Variants in DNAH17 observed in about 807,000 individuals in gnomAD.
The protein encoded by DNAH17 is axonemal beta dynein heavy chain 17.
In DNAH17, 376 loss-of-function variants were observed where a neutral mutation model predicts 485.6. That is an observed-to-expected ratio of 0.77 (90% CI 0.71 to 0.84). DNAH17 has a LOEUF of 0.84. Ranked by LOEUF, DNAH17 falls within the 40% of genes least tolerant of loss-of-function variation. DNAH17 has a pLI of 0.00. For synonymous variants in DNAH17, 3,031 were observed against 2,405.9 expected, an observed-to-expected ratio of 1.26 and a Z score of -7.60; for missense variants, 6,370 against 5,839.3, an observed-to-expected ratio of 1.09 and a Z score of -2.96.
rs1237674292 is a variant in DNAH17, at chr17:78,571,742, C to T, written c.580G>A (p.Glu194Lys). The change falls in exon 4 of 81, where the codon GAA (glutamate) becomes AAA (lysine). Residue 194 changes from glutamate to lysine, a missense_variant. Physicochemically the swap from Glu to Lys is moderately conservative, Grantham distance 56. Transcript: ENST00000389840. ...TGGGACCAGTCGATGATGGTGGTTT[C>T]AATGGCGTGCAGGAGCAAGTTGTCC... ...SLDNLLLHAI[E>K]TTIIDWSHQI... The T allele has an allele frequency of 6.2e-7, 1 of 1,608,656 alleles. No homozygotes were observed. Among genetic ancestry groups the T allele is most frequent in the Admixed American group, 1.7e-5 (1 of 59,596 alleles).
At chr17:78,558,552 T>C (rs2092081268) in intron 13 of DNAH17, among the ~76,000 whole-genome samples, 1 of 83,816 alleles carries the variant, frequency 1.2e-5, no homozygotes. Flanking sequence ...CATCATTGCA[T>C]GTGTATGACA....
intron 70 of DNAH17, among the ~76,000 whole-genome samples, 176 bp downstream of exon 70, chr17:78,445,382 G>C (rs527692928): frequency 6.6e-6 from 1 of 152,212 alleles, no homozygotes; most frequent in Non-Finnish European, 1.5e-5. Flanking sequence ...AGAGCTATCT[G>C]TGAGCTGGCA....
At chr17:78,492,510 C>T (rs1251232071) in intron 42 of DNAH17, 123 bp downstream of exon 42, 9 of 1,378,396 alleles carry the variant, frequency 6.5e-6, no homozygotes, top group African/African-American at 2.9e-5. Context: ...TTGCAGGCCA[C>T]GTGCCTGTGT....
intron 55 of DNAH17, 116 bp from the exon 56 acceptor site, chr17:78,466,932 CAG>C: frequency 1.7e-6 from 2 of 1,164,160 alleles, no homozygotes; most frequent in Non-Finnish European, 2.3e-6. Flanking sequence ...CTCAGCCGCC[CAG>C]GGCCTGGGCA....
intron 69 of DNAH17, among the ~76,000 whole-genome samples, chr17:78,447,123 G>A (rs542045961): frequency 6.6e-6 from 1 of 152,070 alleles, no homozygotes; most frequent in Non-Finnish European, 1.5e-5. Flanking sequence ...TGGAGATGGG[G>A]TCTTGCTATA....
chr17:78,479,519 C>G lies in DNAH17; in HGVS notation c.7866G>C (p.Gln2622His), dbSNP rs2089255078. ...LAFRSVSMAIQRISSQLVAAA... is the reference protein window; with the variant it reads ...LAFRSVSMAIHRISSQLVAAA... ...CGGCCACCAGCTGGCTGCTTATCCT[C>G]TGGATAGCCATGGAGACCGAGCGGA... The change falls in exon 50 of 81, where the codon CAG (glutamine) becomes CAC (histidine). Residue 2622 changes from glutamine to histidine, a missense_variant. Physicochemically the swap from Gln to His is conservative, Grantham distance 24. Coordinates refer to ENST00000389840, the MANE Select transcript of DNAH17 (RefSeq NM_173628.4). 1.2e-6 allele frequency: 2 copies of G among 1,613,218 alleles called. No homozygotes were observed. The highest frequency in any genetic ancestry group is 2.7e-5 in the African/African-American group (2 of 74,922).
Position 78,507,291 on chromosome 17 carries a change from C to A in DNAH17, c.4663G>T (p.Ala1555Ser). 6.2e-7 allele frequency: 1 copy of A among 1,614,016 alleles called. No homozygotes were observed. The highest frequency in any genetic ancestry group is 8.5e-7 in the Non-Finnish European group (1 of 1,179,888). Reference protein sequence around the residue: ...SKPGLYNKLEALKKSLAICEK... With the variant: ...SKPGLYNKLESLKKSLAICEK... ...TGTGAGCCGCACCTCTTCTTCAGGG[C>A]CTCCAGTTTATTGTAGAGGCCGGGT... Residue 1555 changes from alanine (A) to serine (S), a missense_variant, in exon 29 of 81, where the codon GCC becomes TCC. Transcript: ENST00000389840.
intron 51 of DNAH17, among the ~76,000 whole-genome samples, chr17:78,478,594 C>T (rs1303803868): frequency 6.7e-6 from 1 of 149,054 alleles, no homozygotes; most frequent in Non-Finnish European, 1.5e-5. Context: ...CCATCACTAC[C>T]ACTGTCACCA....
intron 51 of DNAH17, chr17:78,478,768 C>T: frequency 4.6e-6 from 2 of 435,896 alleles, no homozygotes; most frequent in Non-Finnish European, 8.2e-6. Flanking sequence ...CTATCATCAT[C>T]ACATCACCAT....
At chr17:78,569,330 A>G (rs781404432) in intron 8 of DNAH17, 45 bp downstream of exon 8, 2 of 1,607,526 alleles carry the variant, frequency 1.2e-6, no homozygotes, top group East Asian at 4.5e-5. Context: ...GCTCATATGA[A>G]CTCACTCGTC....
Position 78,434,239 on chromosome 17 carries a change from G to T in DNAH17, c.12034-19C>A, listed in dbSNP as rs371649198. ...GGGTGTCCTGTGGGGCACACGCTCC[G>T]GTCAGGTATTAGGGAGAGGGAGAAG... On this transcript the variant is annotated intron_variant, in intron 74 of 80. Coordinates refer to ENST00000389840, the MANE Select transcript of DNAH17 (RefSeq NM_173628.4). 105 of 1,592,668 alleles carry T rather than the reference G, an allele frequency of 6.6e-5. No individual in the cohort carries two copies. The highest frequency in any genetic ancestry group is 5.1e-5 in the Admixed American group (3 of 59,132).
rs754514234 is a variant in DNAH17 at position 78,492,732 on chromosome 17, G to C, written c.6442C>G (p.Leu2148Val). 12 of 1,612,576 alleles carry C rather than the reference G, an allele frequency of 7.4e-6. No individual in the cohort carries two copies. In the African/African-American group the frequency reaches 1.6e-4, roughly 22 times the overall value. ...LKSLNKTYQN[L>V]KRKPVAVDLD... is the part of the protein sequence containing the mutation. Reference sequence around the variant, plus strand: ...TCCACGGCGACCGGCTTCCTCTTCAGGTTCTGATAGGTCTTGTTGAGGGAT... The same window carrying C: ...TCCACGGCGACCGGCTTCCTCTTCACGTTCTGATAGGTCTTGTTGAGGGAT... Residue 2148 changes from leucine (L) to valine (V), a missense_variant, in exon 42 of 81, where the codon CTG (leucine) becomes GTG (valine). Coordinates refer to ENST00000389840, the MANE Select transcript of DNAH17 (RefSeq NM_173628.4).
At chr17:78,562,960 G>T (rs575079413) in intron 11 of DNAH17, among the ~76,000 whole-genome samples, 2 of 152,162 alleles carry the variant, frequency 1.3e-5, no homozygotes, top group Non-Finnish European at 2.9e-5. Flanking sequence ...CATAACCCAC[G>T]CCCAATGGGG....
chr17:78,527,112 G>T, intron 22 of DNAH17, 116 bp from the exon 23 acceptor site: 1 of 809,782 alleles, frequency 1.2e-6, no homozygotes, highest in Non-Finnish European at 1.9e-6. Context: ...GGCCGGCGCG[G>T]TGGCTCACAC....
At chr17:78,507,882 CAT>C (rs2090531276) in intron 27 of DNAH17, 77 bp from the exon 28 acceptor site, 15 of 1,339,996 alleles carry the variant, frequency 1.1e-5, no homozygotes, top group South Asian at 1.5e-5. Context: ...GTTTCCAGGA[CAT>C]AGACTGAAGC....
At position 78,450,367 on chromosome 17, in the gene DNAH17, T is replaced by G. The variant is rs368980426; in HGVS notation, c.10927A>C (p.Lys3643Gln). 6.2e-7 allele frequency: 1 copy of G among 1,613,868 alleles called. No individual in the cohort carries two copies. Among genetic ancestry groups the G allele is most frequent in the African/African-American group, 1.3e-5 (1 of 74,946 alleles). The change falls in exon 68 of 81, where the codon AAA (lysine) becomes CAA (glutamine). Residue 3643 changes from lysine (K) to glutamine (Q), a missense_variant. Coordinates refer to ENST00000389840, the MANE Select transcript of DNAH17 (RefSeq NM_173628.4). ...KVVEAKITEV[K>Q]INEARENYRP... ...TAGTTCTCTCTCGCTTCGTTGATTT[T>G]AACTTCTGTGATTTTTGCCTCCACC...
In DNAH17 at chr17:78,437,988, T is replaced by G. The variant is rs934047126; in HGVS notation, c.11806-120A>C. The G allele has an allele frequency of 2.0e-5, 14 of 701,116 alleles. No homozygotes were observed. In the Admixed American group the frequency reaches 3.6e-4, roughly 18 times the overall value. 43.4% of individuals were successfully genotyped at this position (701,116 alleles called of 1,614,324 possible). On this transcript the variant is annotated intron_variant, in intron 73 of 80. Transcript: ENST00000389840. ...GGCTCTTCTGCCAGCACCCCACACT[T>G]GCCTGGTGCTGGCACTGCCCCACCC...
At chr17:78,468,566 C>T in intron 55 of DNAH17, 51 bp downstream of exon 55, 1 of 1,574,948 alleles carries the variant, frequency 6.3e-7, no homozygotes, top group Non-Finnish European at 8.6e-7. Context: ...CCCTGTAGGC[C>T]ACGGGCACCA....
intron 58 of DNAH17, among the ~76,000 whole-genome samples, chr17:78,460,822 CAG>C (rs2088082477): frequency 6.6e-6 from 1 of 152,142 alleles, no homozygotes; most frequent in African/African-American, 2.4e-5. Context: ...TGGAACGTCT[CAG>C]AGTGTATAGC....
Sources: gnomAD v4.1 joint callset for allele counts (sites outside exome capture counted in the v4.1 genomes callset) on GRCh38, gnomAD v4.1.1 for gene constraint, MANE v1.5 for transcripts, NCBI Gene and HGNC (gene_info 2026-07-23, HGNC 2026-07-21) for gene names.